The following MRTFA variants were observed in gnomAD, a reference collection of about 807,000 sequenced individuals.
The protein encoded by MRTFA is myocardin related transcription factor A.
MRTFA carries 20 observed loss-of-function variants against 83.5 expected under a neutral mutation model. The observed-to-expected ratio is 0.24, with a 90% confidence interval of 0.17 to 0.35. MRTFA has a LOEUF of 0.35. Ranked by LOEUF, MRTFA falls within the 10% of genes least tolerant of loss-of-function variation. The probability of loss-of-function intolerance (pLI) is 1.00; values close to 1 mark genes in which losing one functional copy is unlikely to be tolerated. For missense variants in MRTFA, 1,200 were observed against 1,224.7 expected (o/e 0.98, Z 0.30); for synonymous variants, 659 against 541.2 (o/e 1.22, Z -3.02).
At chr22:40,502,887 T>A (rs1490991154) in intron 3 of MRTFA, among the ~76,000 whole-genome samples, 3 of 152,184 alleles carry the variant, frequency 2.0e-5, no homozygotes, top group Non-Finnish European at 4.4e-5. Flanking sequence ...TAGTCCTCTG[T>A]AGATTAACTG....
chr22:40,576,173 T>G (rs1466571337), intron 2 of MRTFA, among the ~76,000 whole-genome samples: 1 of 151,592 alleles, frequency 6.6e-6, no homozygotes, highest in Non-Finnish European at 1.5e-5. Flanking sequence ...GGATTACAGG[T>G]GCGCGCCACC....
chr22:40,468,764 C>A (rs527497544), intron 3 of MRTFA, among the ~76,000 whole-genome samples: 46 of 152,300 alleles, frequency 3.0e-4, no homozygotes, highest in African/African-American at 1.0e-3. Context: ...GACCAAAATG[C>A]AGACAAGCCT....
At chr22:40,633,762 A>C (rs2056665287) in intron 1 of MRTFA, among the ~76,000 whole-genome samples, 1 of 152,172 alleles carries the variant, frequency 6.6e-6, no homozygotes, top group Non-Finnish European at 1.5e-5. Context: ...TGACTAAATC[A>C]AATATGAAAC....
intron 2 of MRTFA, among the ~76,000 whole-genome samples, chr22:40,566,878 A>G (rs566188598): frequency 2.6e-5 from 4 of 152,316 alleles, no homozygotes; most frequent in African/African-American, 9.6e-5. Context: ...GCAGGTGTGT[A>G]GAGAAAGAAT....
chr22:40,615,487 G>C (rs2056437885), intron 1 of MRTFA, among the ~76,000 whole-genome samples: 1 of 152,138 alleles, frequency 6.6e-6, no homozygotes, highest in African/African-American at 2.4e-5. Context: ...GATTCAGAAA[G>C]TCAATTTCTC....
At chr22:40,551,560 G>T (rs2055444750) in intron 3 of MRTFA, among the ~76,000 whole-genome samples, 3 of 152,084 alleles carry the variant, frequency 2.0e-5, no homozygotes, top group Admixed American at 2.0e-4. Flanking sequence ...CACAGACAGG[G>T]TTTCACCATG....
At chr22:40,502,172 C>T (rs2054498910) in intron 3 of MRTFA, among the ~76,000 whole-genome samples, 2 of 145,086 alleles carry the variant, frequency 1.4e-5, no homozygotes, top group Admixed American at 1.3e-4. Context: ...CCCCCCCCAC[C>T]TCCCTCCCGG....
chr22:40,500,402 T>C (rs1273610011), intron 3 of MRTFA, among the ~76,000 whole-genome samples: 1 of 148,742 alleles, frequency 6.7e-6, no homozygotes, highest in Non-Finnish European at 1.5e-5. Context: ...TTTTTTTTAA[T>C]TTATTTTTTT....
At chr22:40,429,565 T>C (rs374948593) in intron 7 of MRTFA, 41 bp downstream of exon 7, 28 of 1,613,252 alleles carry the variant, frequency 1.7e-5, no homozygotes, top group Non-Finnish European at 2.4e-5. Flanking sequence ...CCCTCCTGCA[T>C]CTCAGCTGCC....
intron 3 of MRTFA, among the ~76,000 whole-genome samples, chr22:40,486,709 C>T (rs574968719): frequency 8.5e-5 from 13 of 152,134 alleles, no homozygotes; most frequent in Non-Finnish European, 4.4e-5. Context: ...TACAGGGAGC[C>T]GGGTGCAGTG....
In MRTFA at chr22:40,535,687, G is replaced by A. The variant is rs189044869; in HGVS notation, c.241+16419C>T. 1.6e-3 allele frequency among the ~76,000 whole-genome samples: 244 copies of A among 152,098 alleles called. 2 individuals are homozygous for A. The highest frequency in any genetic ancestry group is 2.9e-4 in the Non-Finnish European group (20 of 68,002). On this transcript the variant is annotated intron_variant, in intron 3 of 14. Transcript: ENST00000355630. The stretch of plus-strand genomic sequence containing the variant: ...TTTACTTTGTCTCTCTAGTAATGAG[G>A]GTTTTCAAATGAAACAAGTTTTCAC...
chr22:40,512,093 T>C (rs963084027), intron 3 of MRTFA, among the ~76,000 whole-genome samples: 3 of 152,212 alleles, frequency 2.0e-5, no homozygotes, highest in African/African-American at 7.2e-5. Flanking sequence ...AATTAGTTCA[T>C]ATGTGTCATC....
chr22:40,626,477 G>C (rs1028085110), intron 1 of MRTFA, among the ~76,000 whole-genome samples: 13 of 152,044 alleles, frequency 8.6e-5, no homozygotes, highest in Non-Finnish European at 1.6e-4. Context: ...ATTTTTTGTA[G>C]AGACGGGGTT....
intron 3 of MRTFA, among the ~76,000 whole-genome samples, chr22:40,482,844 A>T (rs1181195586): frequency 6.6e-6 from 1 of 152,132 alleles, no homozygotes; most frequent in East Asian, 1.9e-4. Context: ...TTAAAATTAA[A>T]TTAGGCCAGG....
intron 14 of MRTFA, among the ~76,000 whole-genome samples, chr22:40,415,992 G>A (rs1032057656): frequency 6.6e-6 from 1 of 151,948 alleles, no homozygotes; most frequent in Non-Finnish European, 1.5e-5. Context: ...ATCTAGATGT[G>A]ACAACACTCC....
chr22:40,491,841 C>G (rs1348004652), intron 3 of MRTFA, among the ~76,000 whole-genome samples: 1 of 152,172 alleles, frequency 6.6e-6, no homozygotes, highest in African/African-American at 2.4e-5. Context: ...GGGTGCTCAA[C>G]AAACTTTAAT....
intron 2 of MRTFA, among the ~76,000 whole-genome samples, chr22:40,592,941 G>A (rs11913582): frequency 0.034 from 5,116 of 152,118 alleles, 292 homozygotes; most frequent in African/African-American, 0.12. Context: ...CAGCAGTACT[G>A]TACTTTTTTA....
intron 1 of MRTFA, among the ~76,000 whole-genome samples, chr22:40,632,919 G>A (rs1319733451): frequency 7.2e-5 from 11 of 152,182 alleles, no homozygotes; most frequent in Admixed American, 3.9e-4. Context: ...CCTTGAGAGC[G>A]GAGACTATTT....
chr22:40,570,955 C>T (rs112136722), intron 2 of MRTFA, among the ~76,000 whole-genome samples: 1,576 of 135,902 alleles, frequency 0.012, 36 homozygotes, highest in Middle Eastern at 0.096. Context: ...TTTGGGAGGC[C>T]GATGTGAGTG....
Sources: allele counts gnomAD v4.1 joint callset (sites outside exome capture counted in the v4.1 genomes callset), GRCh38; gene constraint gnomAD v4.1.1; transcripts MANE v1.5; gene names NCBI Gene and HGNC (gene_info 2026-07-23, HGNC 2026-07-21).